Variants in ANO1 observed in about 807,000 individuals in gnomAD.
ANO1 encodes the protein anoctamin 1.
A neutral mutation model predicts 124.0 loss-of-function variants in ANO1; 59 were observed. That is an observed-to-expected ratio of 0.48 (90% confidence interval 0.39 to 0.59). The LOEUF (loss-of-function observed/expected upper bound fraction) is 0.59. Ranked by LOEUF, ANO1 falls within the 20% of genes least tolerant of loss-of-function variation. The probability of loss-of-function intolerance (pLI) is 0.00; values close to 1 mark genes in which losing one functional copy is unlikely to be tolerated. For missense variants in ANO1, 1,059 were observed against 1,328.0 expected (o/e 0.80, Z 3.15); for synonymous variants, 529 against 532.0 (o/e 0.99, Z 0.08).
At chr11:70,131,097 A>G (rs994968490) in intron 10 of ANO1, among the ~76,000 whole-genome samples, 2 of 152,166 alleles carry the variant, frequency 1.3e-5, no homozygotes, top group African/African-American at 2.4e-5. Flanking sequence ...TGCCGATTAT[A>G]TGGGGGCAGG....
chr11:70,106,806 C>A (rs2045566925), intron 5 of ANO1, among the ~76,000 whole-genome samples: 1 of 152,192 alleles, frequency 6.6e-6, no homozygotes, highest in South Asian at 2.1e-4. Context: ...TCCTCCACAC[C>A]ATTCAATCTG....
intron 8 of ANO1, chr11:70,116,701 C>T (rs1590776441): frequency 1.8e-6 from 1 of 556,848 alleles, no homozygotes; most frequent in East Asian, 3.1e-5. Context: ...GGTTTGTTTT[C>T]CTCTTTCTGA....
At chr11:70,104,977 G>A (rs2045448374) in intron 4 of ANO1, among the ~76,000 whole-genome samples, 1 of 152,126 alleles carries the variant, frequency 6.6e-6, no homozygotes, top group African/African-American at 2.4e-5. Flanking sequence ...GACAGGACAT[G>A]CCACCAGAGA....
In ANO1 at chr11:70,030,576, G is replaced by A. The variant is rs536447204; in HGVS notation, c.58+44410G>A. Among the ~76,000 whole-genome samples, 6 of 152,288 alleles carry A rather than the reference G, an allele frequency of 3.9e-5. No individual in the cohort carries two copies. The East Asian group carries it at 1.2e-3, about 29-fold the overall frequency. On this transcript the variant is annotated intron_variant, in intron 1 of 27. Transcript: ENST00000531349. ...TCCAGATTCTGCTGGTGTCAGCGAC[G>A]CTGGGCTGGTGGCTGCATTACCCAG...
At chr11:70,146,743 G>A (rs1045705386) in intron 11 of ANO1, among the ~76,000 whole-genome samples, 4 of 152,150 alleles carry the variant, frequency 2.6e-5, no homozygotes, top group Admixed American at 2.6e-4. Context: ...GAAGGCGTGA[G>A]AGCCCCCAAC....
chr11:70,036,651 A>G (rs1187253667), intron 1 of ANO1, among the ~76,000 whole-genome samples: 5 of 152,288 alleles, frequency 3.3e-5, no homozygotes, highest in Admixed American at 6.5e-5. Flanking sequence ...TTTGTCGCCC[A>G]GGCTGGAGTG....
At chr11:69,998,746 G>A (rs1591024625) in intron 1 of ANO1, among the ~76,000 whole-genome samples, 1 of 152,170 alleles carries the variant, frequency 6.6e-6, no homozygotes, top group Non-Finnish European at 1.5e-5. Flanking sequence ...TCAGGAGTTC[G>A]AGACCATCCT....
intron 7 of ANO1, among the ~76,000 whole-genome samples, chr11:70,114,578 G>GCATT (rs1481808294): frequency 7.9e-5 from 12 of 152,114 alleles, no homozygotes; most frequent in African/African-American, 2.2e-4. Context: ...TGTGCTTACT[G>GCATT]CATTCATTCA....
intron 1 of ANO1, among the ~76,000 whole-genome samples, chr11:69,987,097 CG>C (rs1376819744): frequency 6.6e-6 from 1 of 152,152 alleles, no homozygotes; most frequent in Non-Finnish European, 1.5e-5. Flanking sequence ...TTCAAACAGC[CG>C]GGTCTGGCTT....
chr11:70,056,675 C>T (rs782445604), intron 1 of ANO1: 2 of 152,098 alleles, frequency 1.3e-5, no homozygotes, highest in Non-Finnish European at 2.9e-5. Context: ...GGCCTGGTGT[C>T]TCTCATCAGT....
chr11:70,095,181 G>C, intron 2 of ANO1, among the ~76,000 whole-genome samples: 1 of 146,322 alleles, frequency 6.8e-6, no homozygotes, highest in Non-Finnish European at 1.5e-5. Flanking sequence ...ACTTCAGCCT[G>C]GTTGACAAAA....
intron 3 of ANO1, among the ~76,000 whole-genome samples, chr11:70,103,592 T>C (rs2045365881): frequency 6.6e-6 from 1 of 152,176 alleles, no homozygotes; most frequent in African/African-American, 2.4e-5. Context: ...CTGTGAAAAC[T>C]TTGTATCTAA....
At chr11:70,030,142 C>T (rs1304110694) in intron 1 of ANO1, among the ~76,000 whole-genome samples, 8 of 152,192 alleles carry the variant, frequency 5.3e-5, no homozygotes, top group South Asian at 4.1e-4. Context: ...CTCAGGGAAG[C>T]GAAAGTTGCT....
At chr11:70,170,091 G>A (rs1311637201) in intron 21 of ANO1, 1 of 455,180 alleles carries the variant, frequency 2.2e-6, no homozygotes, top group Non-Finnish European at 4.4e-6. Flanking sequence ...GGACTGTCCT[G>A]GGCAGTGGGT....
At chr11:70,014,829 G>GTTTTTTTTTTTTTTTTTTTT (rs5792503) in intron 1 of ANO1, 1 of 140,578 alleles carries the variant, frequency 7.1e-6, no homozygotes. Context: ...TTTTGTTTTT[G>GTTTTTTTTTTTTTTTTTTTT]TTTTTTTTTT....
rs1190942877 is a variant in ANO1 at position 70,019,281 on chromosome 11, G to A, written c.58+33115G>A. Among the ~76,000 whole-genome samples the A allele has an allele frequency of 2.3e-5, 3 of 133,326 alleles. No individual in the cohort carries two copies. The East Asian group carries it at 6.8e-4, about 30-fold the overall frequency. The allele number at this position is 133,326 out of a possible 152,430, so 87.5% of individuals were successfully genotyped here. On this transcript the variant is annotated intron_variant, in intron 1 of 27. Coordinates refer to the ANO1 transcript ENST00000531349. ...CACACACATTCACTCCCCCGTCTAT[G>A]GACTCACAACCCACGCTACACACAT...
At chr11:70,089,835 A>G (rs940614515) in intron 2 of ANO1, among the ~76,000 whole-genome samples, 1 of 152,202 alleles carries the variant, frequency 6.6e-6, no homozygotes, top group Non-Finnish European at 1.5e-5. Flanking sequence ...CAATGCGGCT[A>G]CTATACAGGG....
intron 2 of ANO1, among the ~76,000 whole-genome samples, chr11:70,090,389 G>A (rs1181260911): frequency 1.3e-5 from 2 of 152,082 alleles, no homozygotes; most frequent in East Asian, 1.9e-4. Context: ...GAACTTCTGG[G>A]GTCTAGTAAT....
intron 25 of ANO1, 25 bp downstream of exon 25, chr11:70,185,720 C>A (rs536725744): frequency 6.2e-7 from 1 of 1,610,264 alleles, no homozygotes; most frequent in Non-Finnish European, 8.5e-7. Context: ...TCTTTGTTTC[C>A]GGTTTGAAGA....
Sources: gnomAD v4.1 joint callset for allele counts (sites outside exome capture counted in the v4.1 genomes callset) on GRCh38, gnomAD v4.1.1 for gene constraint, MANE v1.5 for transcripts, NCBI Gene and HGNC (gene_info 2026-07-23, HGNC 2026-07-21) for gene names.